The following ZNF737 variants were observed in gnomAD, a reference collection of about 807,000 sequenced individuals.
The protein encoded by ZNF737 is zinc finger protein 737.
Under a neutral mutation model 11.7 loss-of-function variants are expected in ZNF737, and 13 were observed. The ratio of observed to expected loss-of-function variants is 1.11; its 90% confidence interval spans 0.73 to 1.77. The LOEUF (loss-of-function observed/expected upper bound fraction) is 1.77. ZNF737 is among the 40% of genes most tolerant of loss of function. ZNF737 has a pLI of 0.00. For synonymous variants in ZNF737, 217 were observed against 216.2 expected (o/e 1.00, Z -0.03); for missense variants, 636 against 638.0 (o/e 1.00, Z 0.03).
downstream of ZNF737, among the ~76,000 whole-genome samples, chr19:20,530,845 C>T (rs1967808266): frequency 6.7e-6 from 1 of 148,324 alleles, no homozygotes; most frequent in Non-Finnish European, 1.5e-5. Context: ...GCAGAGGCTG[C>T]AATCTCTGCA....
downstream of ZNF737, among the ~76,000 whole-genome samples, chr19:20,537,158 G>A (rs1466264172): frequency 2.8e-5 from 4 of 144,830 alleles, no homozygotes; most frequent in Non-Finnish European, 5.9e-5. Flanking sequence ...TGCTACACAC[G>A]TGTCAAACAC....
In ZNF737 at chr19:20,552,830, G is replaced by A. The variant is rs539031730; in HGVS notation, c.131-260C>T. Among the ~76,000 whole-genome samples the A allele has an allele frequency of 3.9e-5, 6 of 152,002 alleles. No individual in the cohort carries two copies. In the South Asian group the frequency reaches 1.2e-3, roughly 32 times the overall value. On this transcript the variant is annotated intron_variant, in intron 2 of 3. Transcript: ENST00000427401. ...AGTTAGAGACCAGCCTGGCCAGCAT[G>A]GTGAAACCCCATCTCTACTAAAAAT...
intron 3 of ZNF737, chr19:20,551,351 C>T (rs1968659005): frequency 6.6e-6 from 1 of 150,378 alleles, no homozygotes; most frequent in South Asian, 2.1e-4. Context: ...ACTGCTTGAA[C>T]CCAGGAGGCG....
Position 20,544,623 on chromosome 19 carries a change from T to C in ZNF737, c.1580A>G (p.His527Arg). The C allele has an allele frequency of 2.5e-6, 4 of 1,608,618 alleles. No individual in the cohort carries two copies. In the South Asian group the frequency reaches 4.4e-5, roughly 18 times the overall value. ...TTTCTCTCCAGTATGAATTACCTTATGTGTAGTAAGGGTAGAGGGGCACTT... is the reference window on the plus strand; with the variant it reads ...TTTCTCTCCAGTATGAATTACCTTACGTGTAGTAAGGGTAGAGGGGCACTT... ...GFKCPSTLTT[H>R]KVIHTGEKL The change falls in exon 4 of 4, where the codon CAT (histidine) becomes CGT (arginine). Residue 527 changes from histidine to arginine, a missense_variant. Coordinates refer to ENST00000427401, the MANE Select transcript of ZNF737 (RefSeq NM_001159293.2).
chr19:20,556,604 A>G (rs2562623), intron 1 of ZNF737, among the ~76,000 whole-genome samples: 33,466 of 147,898 alleles, frequency 0.23, 3,839 homozygotes, highest in South Asian at 0.33. Flanking sequence ...CATTATTACC[A>G]TTAGTCAGAG....
At chr19:20,554,265 T>C (rs1968804058) in intron 1 of ZNF737, among the ~76,000 whole-genome samples, 1 of 152,332 alleles carries the variant, frequency 6.6e-6, no homozygotes, top group East Asian at 1.9e-4. Flanking sequence ...TAAAGTTTGA[T>C]TTTTTGAATT....
rs1386325870 is a variant in ZNF737 at position 20,542,691 on chromosome 19, TACAA to T, written c.*1897_*1900del. ...TATACATTACTTAATAGAATTTTAC[TACAA>T]ACAGCTTCTCCACTTGTATTTTCAT... On this transcript the variant is annotated 3_prime_UTR_variant, in exon 4 of 4. Transcript: ENST00000427401. 212 of 984,126 alleles carry T rather than the reference TACAA, an allele frequency of 2.2e-4. No individual in the cohort carries two copies. The highest frequency in any genetic ancestry group is 4.5e-4 in the East Asian group (4 of 8,820). 61.0% of individuals were successfully genotyped at this position (984,126 alleles called of 1,614,324 possible).
intron 3 of ZNF737, among the ~76,000 whole-genome samples, chr19:20,548,962 G>GAA (rs3047010): frequency 0.041 from 3,572 of 86,320 alleles, 164 homozygotes; most frequent in Middle Eastern, 0.049. Flanking sequence ...AAGAAAAACT[G>GAA]AAAAAAAAAA....
At chr19:20,561,295 G>A (rs1212604420) in intron 1 of ZNF737, among the ~76,000 whole-genome samples, 2 of 152,190 alleles carry the variant, frequency 1.3e-5, no homozygotes, top group Non-Finnish European at 2.9e-5. Context: ...GTAGAGACTT[G>A]TGGGTTCTTG....
Position 20,541,453 on chromosome 19 carries a change from A to T in ZNF737, c.*3139T>A. On this transcript the variant is annotated 3_prime_UTR_variant, in exon 4 of 4. Transcript: ENST00000427401. Reference sequence around the variant, plus strand: ...TCAGAAATGTATGGATTTTATTTTTATTTTATTTTTTGAGATGGAGACTCA... The same window carrying T: ...TCAGAAATGTATGGATTTTATTTTTTTTTTATTTTTTGAGATGGAGACTCA... 1 of 960,566 alleles carries T rather than the reference A, an allele frequency of 1.0e-6. No homozygotes were observed. Among genetic ancestry groups the T allele is most frequent in the Non-Finnish European group, 1.2e-6 (1 of 807,752 alleles). The allele number at this position is 960,566 out of a possible 1,614,324, so 59.5% of individuals were successfully genotyped here.
intron 1 of ZNF737, among the ~76,000 whole-genome samples, chr19:20,557,145 C>G (rs1196242778): frequency 2.6e-5 from 4 of 152,048 alleles, no homozygotes; most frequent in Non-Finnish European, 5.9e-5. Context: ...GAATAGAAAA[C>G]AAGTTTCTAA....
chr19:20,539,943 C>T lies in ZNF737; in HGVS notation c.*4649G>A. ...TACTGTTCCATAATGCCAGTGAGCA[C>T]TTTTACCCAGGTTACCTTTTTCCTC... On this transcript the variant is annotated 3_prime_UTR_variant, in exon 4 of 4. Transcript: ENST00000427401. 2 of 985,042 alleles carry T rather than the reference C, an allele frequency of 2.0e-6. No homozygotes were observed. Among genetic ancestry groups the T allele is most frequent in the Non-Finnish European group, 2.4e-6 (2 of 829,810 alleles). 61.0% of individuals were successfully genotyped at this position (985,042 alleles called of 1,614,324 possible). A position where few individuals can be genotyped will look rare whatever the true frequency, so the allele number is the denominator to read the frequency against.
chr19:20,548,010 C>T (rs144237529), intron 3 of ZNF737, among the ~76,000 whole-genome samples: 52 of 152,136 alleles, frequency 3.4e-4, no homozygotes, highest in Admixed American at 7.9e-4. Flanking sequence ...GGCGATGTGA[C>T]GTGCACCTGT....
Position 20,558,789 on chromosome 19 carries a change from C to T in ZNF737, c.4-4954G>A, listed in dbSNP as rs541734621. ...ACCCAGGTGATTGTGAGGGAATTTC[C>T]AGTGACCCTGGGCTGATGGCCCAAT... is the stretch of plus-strand genomic sequence containing the variant. On this transcript the variant is annotated intron_variant, in intron 1 of 3. Coordinates refer to ENST00000427401, the MANE Select transcript of ZNF737 (RefSeq NM_001159293.2). Among the ~76,000 whole-genome samples the T allele has an allele frequency of 2.8e-4, 43 of 152,322 alleles. 1 individual carries two copies. In the South Asian group the frequency reaches 7.5e-3, roughly 26 times the overall value.
chr19:20,553,300 CT>C (rs1555759237), intron 2 of ZNF737, among the ~76,000 whole-genome samples: 2 of 151,862 alleles, frequency 1.3e-5, no homozygotes, highest in Non-Finnish European at 2.9e-5. Context: ...GCTCTGTTGC[CT>C]GGGCTGGAGT....
In ZNF737 at chr19:20,544,398, T is replaced by C; in HGVS notation, c.*194A>G. The C allele has an allele frequency of 7.0e-7, 1 of 1,437,474 alleles. No homozygotes were observed. The highest frequency in any genetic ancestry group is 1.5e-5 in the South Asian group (1 of 64,766). The allele number at this position is 1,437,474 out of a possible 1,614,324, so 89.0% of individuals were successfully genotyped here. A position where few individuals can be genotyped will look rare whatever the true frequency, so the allele number is the denominator to read the frequency against. ...ATGTCTAGTAAGGGCAGAGGTGTCCTTAAAGGCTTTGCTGCATTTTCTTAT... is the reference window on the plus strand; with the variant it reads ...ATGTCTAGTAAGGGCAGAGGTGTCCCTAAAGGCTTTGCTGCATTTTCTTAT... On this transcript the variant is annotated 3_prime_UTR_variant, in exon 4 of 4. Coordinates refer to ENST00000427401, the MANE Select transcript of ZNF737 (RefSeq NM_001159293.2).
At chr19:20,546,947 A>AT (rs1329272570) in intron 3 of ZNF737, among the ~76,000 whole-genome samples, 1 of 152,254 alleles carries the variant, frequency 6.6e-6, no homozygotes. Flanking sequence ...CAAAAACTGA[A>AT]TGAAACTAGG....
chr19:20,555,190 T>C (rs1216039597), intron 1 of ZNF737, among the ~76,000 whole-genome samples: 1 of 136,438 alleles, frequency 7.3e-6, no homozygotes, highest in Non-Finnish European at 1.6e-5. Context: ...TTCTTTTCTT[T>C]TCTTTTTTTT....
chr19:20,534,245 C>G (rs1419186745), downstream of ZNF737, among the ~76,000 whole-genome samples: 1 of 149,942 alleles, frequency 6.7e-6, no homozygotes, highest in African/African-American at 2.5e-5. Context: ...AATTTGAGAC[C>G]AGTCTGGCCA....
Sources: gnomAD v4.1 joint callset for allele counts (sites outside exome capture counted in the v4.1 genomes callset) on GRCh38, gnomAD v4.1.1 for gene constraint, MANE v1.5 for transcripts, NCBI Gene and HGNC (gene_info 2026-07-23, HGNC 2026-07-21) for gene names.